ZNF469: variants seen among roughly 807,000 people sequenced by gnomAD.
ZNF469 encodes the protein zinc finger protein 469.
Under a neutral mutation model 1.0 loss-of-function variants are expected in ZNF469, and 1 was observed. That is an observed-to-expected ratio of 1.00 (90% CI 0.35 to 4.73). The LOEUF is 4.73. ZNF469 is among the 30% of genes most tolerant of loss of function. The pLI is 0.16. For missense variants in ZNF469, 6,100 were observed against 5,356.3 expected (o/e 1.14, Z -4.33); for synonymous variants, 2,703 against 2,363.4 (o/e 1.14, Z -4.17).
chr16:88,217,625 T>C, the ZNF469 span, among the ~76,000 whole-genome samples: 3 of 108,878 alleles, frequency 2.8e-5, no homozygotes, highest in African/African-American at 1.1e-4. Flanking sequence ...CAGAGTGTGA[T>C]ATTCCCCTTC....
At chr16:88,375,986 A>T in the ZNF469 span, among the ~76,000 whole-genome samples, 2 of 152,206 alleles carry the variant, frequency 1.3e-5, no homozygotes, top group African/African-American at 4.8e-5. Context: ...AACTTGCCAC[A>T]TTTTTTTCTA....
rs973392073 is a variant in ZNF469, at chr16:88,437,791, C to G, written c.10321C>G (p.Leu3441Val). The change falls in exon 3 of 3, where the codon CTC (leucine) becomes GTC (valine). Residue 3441 changes from leucine to valine, a missense_variant. Physicochemically the swap from Leu to Val is conservative, Grantham distance 32 (BLOSUM62 1). Transcript: ENST00000565624. Reference sequence around the variant, plus strand: ...GTTCGACCGCCACATGAACAAGCACCTCAGGGGGGGGCGGCAGCCCTTCGC... The same window carrying G: ...GTTCGACCGCCACATGAACAAGCACGTCAGGGGGGGGCGGCAGCCCTTCGC... ...EQFDRHMNKH[L>V]RGGRQPFAFR... 13 of 1,546,772 alleles carry G rather than the reference C, an allele frequency of 8.4e-6. No individual in the cohort carries two copies. In the African/African-American group the frequency reaches 1.8e-4, roughly 21 times the overall value.
the ZNF469 span, among the ~76,000 whole-genome samples, chr16:88,353,618 G>C: frequency 6.6e-6 from 1 of 152,276 alleles, no homozygotes; most frequent in East Asian, 1.9e-4. Context: ...TTGCTTCAGA[G>C]CATGCGCGCG....
chr16:88,149,921 C>T, the ZNF469 span, among the ~76,000 whole-genome samples: 2 of 152,244 alleles, frequency 1.3e-5, no homozygotes, highest in Non-Finnish European at 2.9e-5. Flanking sequence ...CATTGCCATC[C>T]TCCAGCTTTG....
At chr16:88,103,384 C>A in the ZNF469 span, among the ~76,000 whole-genome samples, 1 of 152,234 alleles carries the variant, frequency 6.6e-6, no homozygotes, top group Non-Finnish European at 1.5e-5. Flanking sequence ...AGCTCTCCAC[C>A]TGCTGGGGCT....
the ZNF469 span, among the ~76,000 whole-genome samples, chr16:88,306,771 C>G: frequency 6.6e-6 from 1 of 152,332 alleles, no homozygotes; most frequent in South Asian, 2.1e-4. Context: ...TTTATTCCGT[C>G]TCCTTCCCTG....
the ZNF469 span, among the ~76,000 whole-genome samples, chr16:88,215,938 G>A: frequency 4.6e-5 from 7 of 152,206 alleles, no homozygotes; most frequent in East Asian, 1.9e-4. Context: ...CTAATATTCA[G>A]TAAATATTCC....
the ZNF469 span, among the ~76,000 whole-genome samples, chr16:88,220,315 C>T: frequency 1.3e-5 from 2 of 152,134 alleles, no homozygotes; most frequent in East Asian, 1.9e-4. Context: ...GCCGGTGTGA[C>T]GCCAACCCTG....
chr16:88,351,538 T>C, the ZNF469 span, among the ~76,000 whole-genome samples: 1 of 152,072 alleles, frequency 6.6e-6, no homozygotes, highest in South Asian at 2.1e-4. Context: ...AGCAAGAGCA[T>C]CCCAGGCTCC....
chr16:88,400,588 T>C (rs1904825189), intron 1 of ZNF469, among the ~76,000 whole-genome samples: 2 of 152,012 alleles, frequency 1.3e-5, no homozygotes, highest in Non-Finnish European at 2.9e-5. Flanking sequence ...TCCACATCAG[T>C]CCCTCCTCTC....
At chr16:88,200,566 C>T in the ZNF469 span, among the ~76,000 whole-genome samples, 17 of 152,242 alleles carry the variant, frequency 1.1e-4, no homozygotes, top group Non-Finnish European at 2.5e-4. Flanking sequence ...GCCACGCCAT[C>T]GGCCCTCACC....
chr16:88,182,349 CT>C, the ZNF469 span, among the ~76,000 whole-genome samples: 7 of 151,604 alleles, frequency 4.6e-5, no homozygotes, highest in Non-Finnish European at 7.4e-5. Context: ...TCTCATCAGA[CT>C]TTTTTTTTCT....
At chr16:88,343,253 G>A in the ZNF469 span, among the ~76,000 whole-genome samples, 2 of 152,306 alleles carry the variant, frequency 1.3e-5, no homozygotes, top group Middle Eastern at 6.8e-3. Flanking sequence ...CGGTGACAAA[G>A]TAAACATGGT....
rs1227052702 is a variant in ZNF469, at chr16:88,437,802, G to A, written c.10332G>A (p.Gly3444=). 23 of 1,545,254 alleles carry A rather than the reference G, an allele frequency of 1.5e-5. No homozygotes were observed. The highest frequency in any genetic ancestry group is 2.4e-5 in the South Asian group (2 of 83,938). The change falls in exon 3 of 3, where the codon GGG becomes GGA. Residue 3444 remains glycine, a synonymous_variant. Coordinates refer to ENST00000565624, the MANE Select transcript of ZNF469 (RefSeq NM_001367624.2). ...DRHMNKHLRG[G]RQPFAFRGVR... is the part of the protein sequence containing the mutation. ...ACATGAACAAGCACCTCAGGGGGGG[G>A]CGGCAGCCCTTCGCGTTCCGCGGCG...
chr16:88,128,214 T>G, the ZNF469 span, among the ~76,000 whole-genome samples: 1 of 150,920 alleles, frequency 6.6e-6, no homozygotes, highest in African/African-American at 2.4e-5. Context: ...GGCCAAGGGT[T>G]GAGCCCCTGA....
chr16:88,319,450 C>G, the ZNF469 span, among the ~76,000 whole-genome samples: 1 of 152,264 alleles, frequency 6.6e-6, no homozygotes, highest in East Asian at 1.9e-4. Flanking sequence ...GGAGGCAGTC[C>G]GAGGCCTCGG....
the ZNF469 span, among the ~76,000 whole-genome samples, chr16:88,366,181 A>T: frequency 6.6e-6 from 1 of 151,444 alleles, no homozygotes; most frequent in African/African-American, 2.4e-5. Context: ...CACGATCATC[A>T]TCACTATAAC....
the ZNF469 span, among the ~76,000 whole-genome samples, chr16:88,224,209 C>A: frequency 1.2e-4 from 18 of 152,188 alleles, no homozygotes; most frequent in African/African-American, 4.3e-4. Context: ...GAGGAAGACA[C>A]GCGGCCACAC....
At chr16:88,406,139 C>A (rs139137398) in intron 1 of ZNF469, among the ~76,000 whole-genome samples, 1 of 152,256 alleles carries the variant, frequency 6.6e-6, no homozygotes, top group African/African-American at 2.4e-5. Context: ...GGCCCGACGA[C>A]CTGCCCGGCC....
Sources: allele counts gnomAD v4.1 joint callset (sites outside exome capture counted in the v4.1 genomes callset), GRCh38; gene constraint gnomAD v4.1.1; transcripts MANE v1.5; gene names NCBI Gene and HGNC (gene_info 2026-07-23, HGNC 2026-07-21).